The following TRHDE variants were observed in gnomAD, a reference collection of about 807,000 sequenced individuals.
The protein encoded by TRHDE is thyrotropin-releasing hormone-degrading ectoenzyme.
Under a neutral mutation model 125.7 loss-of-function variants are expected in TRHDE, and 72 were observed. The observed-to-expected ratio is 0.57, with a 90% CI of 0.47 to 0.70. TRHDE has a LOEUF of 0.70. Ranked by LOEUF, TRHDE falls within the 30% of genes least tolerant of loss-of-function variation. The probability of loss-of-function intolerance (pLI) is 0.00; values close to 1 mark genes in which losing one functional copy is unlikely to be tolerated. For missense variants in TRHDE, 1,110 were observed against 1,327.1 expected (o/e 0.84, Z 2.54); for synonymous variants, 509 against 509.1 (o/e 1.00, Z 0.00).
chr12:72,185,645 G>A (rs1877191697), intron 2 of TRHDE, among the ~76,000 whole-genome samples: 1 of 152,092 alleles, frequency 6.6e-6, no homozygotes, highest in Non-Finnish European at 1.5e-5. Context: ...TGGGGCCTTG[G>A]AGAACCTTTA....
intron 2 of TRHDE, among the ~76,000 whole-genome samples, chr12:72,167,135 A>C (rs1197793393): frequency 6.6e-6 from 1 of 152,142 alleles, no homozygotes; most frequent in Non-Finnish European, 1.5e-5. Flanking sequence ...TCAAGTGAAC[A>C]TGATGGTCAC....
At position 72,562,815 on chromosome 12, in the gene TRHDE, T is replaced by C. The variant is rs761835687; in HGVS notation, c.1855-38T>C. On this transcript the variant is annotated intron_variant, in intron 8 of 18. Transcript: ENST00000261180. ...TAATGTTAATAATGTTGATAATTCA[T>C]GTTTATAAAACTAATTTGTACATTT... 24 of 1,330,300 alleles carry C rather than the reference T, an allele frequency of 1.8e-5. No individual in the cohort carries two copies. The South Asian group carries it at 3.4e-4, about 19-fold the overall frequency. The allele number at this position is 1,330,300 out of a possible 1,614,324, so 82.4% of individuals were successfully genotyped here. A position where few individuals can be genotyped will look rare whatever the true frequency, so the allele number is the denominator to read the frequency against.
chr12:72,443,694 G>C (rs1470220213), intron 3 of TRHDE, among the ~76,000 whole-genome samples: 3 of 151,638 alleles, frequency 2.0e-5, no homozygotes, highest in Non-Finnish European at 4.4e-5. Context: ...CAGGAAGATA[G>C]GCATTTTGTT....
intron 2 of TRHDE, among the ~76,000 whole-genome samples, chr12:72,227,621 C>T (rs1255879012): frequency 6.6e-6 from 1 of 152,166 alleles, no homozygotes; most frequent in Non-Finnish European, 1.5e-5. Context: ...TCCCAACAGT[C>T]TCCCAAAGTC....
intron 2 of TRHDE, among the ~76,000 whole-genome samples, chr12:72,239,560 C>G (rs1725625687): frequency 6.6e-6 from 1 of 152,070 alleles, no homozygotes; most frequent in South Asian, 2.1e-4. Context: ...AAACCAGTGG[C>G]ATTTGCTGAT....
chr12:72,089,695 T>C (rs1874748046), intron 1 of TRHDE, among the ~76,000 whole-genome samples: 1 of 152,198 alleles, frequency 6.6e-6, no homozygotes, highest in South Asian at 2.1e-4. Flanking sequence ...TTCCCACCCA[T>C]TGCACTCCAA....
chr12:72,347,232 G>A (rs1236665048), intron 2 of TRHDE, among the ~76,000 whole-genome samples: 1 of 152,116 alleles, frequency 6.6e-6, no homozygotes, highest in Non-Finnish European at 1.5e-5. Context: ...GAGACCAAAT[G>A]AGAAGCAAGA....
intron 2 of TRHDE, among the ~76,000 whole-genome samples, chr12:72,232,295 T>A (rs976006194): frequency 1.3e-5 from 2 of 152,110 alleles, no homozygotes; most frequent in East Asian, 3.9e-4. Flanking sequence ...ACAGTTTGAA[T>A]AACTGTAGCA....
chr12:72,106,852 A>C (rs1187694591), intron 2 of TRHDE, among the ~76,000 whole-genome samples: 1 of 151,900 alleles, frequency 6.6e-6, no homozygotes, highest in East Asian at 1.9e-4. Context: ...TAGAGAGAAA[A>C]CTTCAGGTGT....
intron 6 of TRHDE, among the ~76,000 whole-genome samples, chr12:72,519,931 G>T (rs1483303364): frequency 6.6e-6 from 1 of 152,164 alleles, no homozygotes; most frequent in South Asian, 2.1e-4. Flanking sequence ...CTGCTAGGGG[G>T]TGCCTCCCAG....
intron 2 of TRHDE, among the ~76,000 whole-genome samples, chr12:72,296,576 G>A (rs112545166): frequency 5.3e-5 from 8 of 151,716 alleles, no homozygotes; most frequent in East Asian, 1.9e-4. Flanking sequence ...GAGTTGGCTC[G>A]GTGGTCTGCA....
chr12:72,155,836 G>A (rs865817452), intron 2 of TRHDE, among the ~76,000 whole-genome samples: 2 of 152,192 alleles, frequency 1.3e-5, no homozygotes, highest in East Asian at 1.9e-4. Flanking sequence ...CTACTCTGGG[G>A]TCAGGGACCC....
chr12:72,551,675 G>A (rs762824867), intron 7 of TRHDE, among the ~76,000 whole-genome samples: 2 of 152,046 alleles, frequency 1.3e-5, no homozygotes, highest in African/African-American at 2.4e-5. Context: ...TCAGGGCATG[G>A]TCCTGAATAC....
chr12:72,432,801 C>T (rs186232342), intron 3 of TRHDE, among the ~76,000 whole-genome samples: 1 of 152,190 alleles, frequency 6.6e-6, no homozygotes, highest in Non-Finnish European at 1.5e-5. Context: ...AATACAGATG[C>T]CTTTCATTTT....
intron 3 of TRHDE, among the ~76,000 whole-genome samples, chr12:72,460,526 G>A (rs996493004): frequency 2.0e-5 from 3 of 152,078 alleles, no homozygotes; most frequent in Admixed American, 1.3e-4. Flanking sequence ...TATATGCCCA[G>A]CCTAAATCAG....
chr12:72,477,510 A>G (rs845284), intron 5 of TRHDE, among the ~76,000 whole-genome samples: 59,620 of 151,990 alleles, frequency 0.39, 14,356 homozygotes, highest in African/African-American at 0.67. Context: ...GAGGATTCAT[A>G]GCATGAATAG....
At chr12:72,573,434 T>C (rs1870840098) in intron 10 of TRHDE, among the ~76,000 whole-genome samples, 1 of 151,932 alleles carries the variant, frequency 6.6e-6, no homozygotes, top group Non-Finnish European at 1.5e-5. Flanking sequence ...TGATGATTTA[T>C]TTTTCTGAGT....
intron 6 of TRHDE, among the ~76,000 whole-genome samples, chr12:72,512,304 G>A (rs2135949079): frequency 6.7e-6 from 1 of 149,934 alleles, no homozygotes. Context: ...TTTTGCAGTG[G>A]GTTTATTTAT....
chr12:72,246,156 CT>C (rs1252234343), intron 2 of TRHDE, among the ~76,000 whole-genome samples: 1 of 152,038 alleles, frequency 6.6e-6, no homozygotes, highest in Non-Finnish European at 1.5e-5. Context: ...ACATTTTCAC[CT>C]TTAATTGATA....
Sources: allele counts gnomAD v4.1 joint callset (sites outside exome capture counted in the v4.1 genomes callset), GRCh38; gene constraint gnomAD v4.1.1; transcripts MANE v1.5; gene names NCBI Gene and HGNC (gene_info 2026-07-23, HGNC 2026-07-21).